The following AKR7A3 variants were observed in gnomAD, a reference collection of about 807,000 sequenced individuals.
AKR7A3 encodes the protein aldo-keto reductase family 7 member A3, also known as AFB1 aldehyde reductase 2.
AKR7A3 carries 37 observed loss-of-function variants against 32.5 expected under a neutral mutation model. That is an observed-to-expected ratio of 1.14 (90% CI 0.88 to 1.50). AKR7A3 has a LOEUF of 1.50. AKR7A3 is among the 40% of genes most tolerant of loss of function. The pLI, the probability that AKR7A3 is intolerant of heterozygous loss-of-function variation, is 0.00. For missense variants in AKR7A3, 412 were observed against 453.2 expected, an observed-to-expected ratio of 0.91 and a Z score of 0.83; for synonymous variants, 177 against 188.4, an observed-to-expected ratio of 0.94 and a Z score of 0.50.
Position 19,282,714 on chromosome 1 carries a change from C to T in AKR7A3, c.*17G>A. On this transcript the variant is annotated 3_prime_UTR_variant, in exon 7 of 7. Coordinates refer to ENST00000361640, the MANE Select transcript of AKR7A3 (RefSeq NM_012067.3). ...GATGTTACAGAAGAGCCTTGGGCAGCCTGAGAAACGATGGGCCTAGCGGAA... is the reference window on the plus strand; with the variant it reads ...GATGTTACAGAAGAGCCTTGGGCAGTCTGAGAAACGATGGGCCTAGCGGAA... 19 of 1,613,798 alleles carry T rather than the reference C, an allele frequency of 1.2e-5. No individual in the cohort carries two copies. The highest frequency in any genetic ancestry group is 1.5e-5 in the Non-Finnish European group (18 of 1,180,044).
chr1:19,284,827 C>T, intron 4 of AKR7A3, 42 bp from the exon 5 acceptor site: 1 of 1,602,174 alleles, frequency 6.2e-7, no homozygotes, highest in South Asian at 1.1e-5. Flanking sequence ...TAGAGTGCCC[C>T]AGAAGCTGCC....
chr1:19,280,965 G>C (rs190214285), downstream of AKR7A3, among the ~76,000 whole-genome samples: 3 of 151,970 alleles, frequency 2.0e-5, no homozygotes, highest in Admixed American at 6.5e-5. Flanking sequence ...CTAAATTCTA[G>C]TCCATTGATT....
Position 19,284,241 on chromosome 1 carries a change from T to C in AKR7A3, c.705-116A>G, listed in dbSNP as rs1227461526. The C allele has an allele frequency of 3.6e-6, 5 of 1,397,118 alleles. No homozygotes were observed. The African/African-American group carries it at 5.9e-5, about 16-fold the overall frequency. 86.5% of individuals were successfully genotyped at this position (1,397,118 alleles called of 1,614,324 possible). On this transcript the variant is annotated intron_variant, in intron 5 of 6. Coordinates refer to ENST00000361640, the MANE Select transcript of AKR7A3 (RefSeq NM_012067.3). The stretch of plus-strand genomic sequence containing the variant: ...CTGCAGCCCTGAGGGGCAGGTGTTC[T>C]CTCTAGCCATGGGTCTCCCACTTTG...
chr1:19,286,997 A>G (rs935480778), intron 1 of AKR7A3, among the ~76,000 whole-genome samples: 5 of 151,898 alleles, frequency 3.3e-5, no homozygotes, highest in African/African-American at 1.2e-4. Context: ...AAGAAAAAAA[A>G]ATCAGAAATA....
rs2093722494 is a variant in AKR7A3 at position 19,283,514 on chromosome 1, C to CTCATCTGA, written c.834+481_834+482insTCAGATGA. ...TGCAATGAAGCTCTCATTACAAAGC[C>CTCATCTGA]TGGCACTCAGATACCATCAAAGACC... On this transcript the variant is annotated intron_variant, in intron 6 of 6. Coordinates refer to ENST00000361640, the MANE Select transcript of AKR7A3 (RefSeq NM_012067.3). Among the ~76,000 whole-genome samples the CTCATCTGA allele has an allele frequency of 2.6e-5, 4 of 152,090 alleles. No individual in the cohort carries two copies. The South Asian group carries it at 8.3e-4, about 32-fold the overall frequency.
At position 19,282,754 on chromosome 1, in the gene AKR7A3, C is replaced by A; in HGVS notation, c.973G>T (p.Glu325Ter). 6.2e-7 allele frequency: 1 copy of A among 1,613,820 alleles called. No individual in the cohort carries two copies. Among genetic ancestry groups the A allele is most frequent in the Non-Finnish European group, 8.5e-7 (1 of 1,180,042 alleles). The change falls in exon 7 of 7, where the codon GAA becomes TAA. Residue 325 changes from glutamate to a stop codon, truncating the protein, a stop_gained. Transcript: ENST00000361640. LOFTEE classifies it high-confidence loss of function. The stretch of plus-strand genomic sequence containing the variant: ...GCCTAGCGGAAGTAGTTGGGACATT[C>A]GTGAGTAACCAAATGCCAGGCTTGA... ...FNQAWHLVTH[E>*]CPNYFR
At chr1:19,275,317 A>G in the AKR7A3 span, among the ~76,000 whole-genome samples, 3 of 151,708 alleles carry the variant, frequency 2.0e-5, no homozygotes, top group South Asian at 6.2e-4. Context: ...AGGCTGAGGC[A>G]GGAGAATCGC....
At chr1:19,284,596 G>T in intron 5 of AKR7A3, 90 bp downstream of exon 5, 2 of 1,364,576 alleles carry the variant, frequency 1.5e-6, no homozygotes, top group Non-Finnish European at 1.0e-6. Flanking sequence ...CAGCAGCGAG[G>T]AAAGGCCTTA....
chr1:19,274,519 C>A, the AKR7A3 span, among the ~76,000 whole-genome samples: 2 of 151,768 alleles, frequency 1.3e-5, no homozygotes, highest in African/African-American at 4.9e-5. Context: ...TAAGGGCTGT[C>A]CTGCCTGCCT....
At chr1:19,287,562 C>T (rs1207011876) in intron 1 of AKR7A3, among the ~76,000 whole-genome samples, 1 of 151,950 alleles carries the variant, frequency 6.6e-6, no homozygotes, top group Non-Finnish European at 1.5e-5. Flanking sequence ...GGCCTAAGCA[C>T]TGCAAATGGC....
Position 19,286,185 on chromosome 1 carries a change from C to T in AKR7A3, c.402G>A (p.Glu134=), listed in dbSNP as rs1443885249. 5 of 1,612,506 alleles carry T rather than the reference C, an allele frequency of 3.1e-6. No homozygotes were observed. The highest frequency in any genetic ancestry group is 2.2e-5 in the East Asian group (1 of 44,886). ...TLRACHQLHQ[E]GKFVELGLSN... ...TCCCAGAGCTCAGGGGTCCCCTCAC[C>T]TCCTGGTGCAGCTGGTGGCAGGCAC... Residue 134 remains glutamate (E), a splice_region_variant and synonymous_variant, in exon 2 of 7, where the codon GAG becomes GAA. Transcript: ENST00000361640.
chr1:19,274,940 G>T, the AKR7A3 span, among the ~76,000 whole-genome samples: 2 of 71,028 alleles, frequency 2.8e-5, no homozygotes, highest in Non-Finnish European at 5.9e-5. Context: ...TGGAACAAAT[G>T]AAAAACCAAT....
the AKR7A3 span, among the ~76,000 whole-genome samples, chr1:19,276,031 T>C: frequency 2.0e-5 from 3 of 151,952 alleles, no homozygotes; most frequent in Non-Finnish European, 2.9e-5. Flanking sequence ...GTAGAACAGT[T>C]GTCAGTCATA....
At chr1:19,281,884 C>G (rs1468606183), downstream of AKR7A3, among the ~76,000 whole-genome samples, 1 of 151,962 alleles carries the variant, frequency 6.6e-6, no homozygotes, top group African/African-American at 2.4e-5. Context: ...TTGCCCCTTT[C>G]TTTTGGCTGA....
chr1:19,284,821 G>T (rs1260842966), intron 4 of AKR7A3, 36 bp from the exon 5 acceptor site: 1 of 1,607,876 alleles, frequency 6.2e-7, no homozygotes, highest in African/African-American at 1.3e-5. Flanking sequence ...GGGGCCTAGA[G>T]TGCCCCAGAA....
intron 6 of AKR7A3, 152 bp downstream of exon 6, chr1:19,283,844 C>A: frequency 3.0e-6 from 4 of 1,324,942 alleles, no homozygotes; most frequent in South Asian, 1.6e-5. Flanking sequence ...AAAAAAAAAA[C>A]ATAGAAAAAG....
chr1:19,282,271 T>G (rs1465980477), downstream of AKR7A3, among the ~76,000 whole-genome samples: 1 of 151,732 alleles, frequency 6.6e-6, no homozygotes, highest in Admixed American at 6.6e-5. Flanking sequence ...TGGTGCCATC[T>G]GTATAGTAAT....
In AKR7A3 at chr1:19,284,526, G is replaced by A. The variant is rs185854442; in HGVS notation, c.704+160C>T. ...TCTCCTTTCCTCCTGGAGGTCCCAAGACAACAAGAAAACCGATGGAGGGTT... is the reference window on the plus strand; with the variant it reads ...TCTCCTTTCCTCCTGGAGGTCCCAAAACAACAAGAAAACCGATGGAGGGTT... On this transcript the variant is annotated intron_variant, in intron 5 of 6. Transcript: ENST00000361640. Among the ~76,000 whole-genome samples the A allele has an allele frequency of 6.1e-3, 924 of 151,898 alleles. 22 individuals carry two copies. Among genetic ancestry groups the A allele is most frequent in the African/African-American group, 0.02 (830 of 41,208 alleles).
rs1362928949 is a variant in AKR7A3 at position 19,284,685 on chromosome 1, C to G, written c.704+1G>C. The G allele has an allele frequency of 6.2e-7, 1 of 1,613,854 alleles. No individual in the cohort carries two copies. Among genetic ancestry groups the G allele is most frequent in the Non-Finnish European group, 8.5e-7 (1 of 1,179,956 alleles). ...ATCCACACCAAGCACCCACAGCTTACCGATTCCTGTACATCTCTGCCCAGG... is the reference window on the plus strand; with the variant it reads ...ATCCACACCAAGCACCCACAGCTTAGCGATTCCTGTACATCTCTGCCCAGG... On this transcript the variant is annotated splice_donor_variant, in intron 5 of 6. Coordinates refer to ENST00000361640, the MANE Select transcript of AKR7A3 (RefSeq NM_012067.3). LOFTEE classifies it high-confidence loss of function.
Sources: gnomAD v4.1 joint callset for allele counts (sites outside exome capture counted in the v4.1 genomes callset) on GRCh38, gnomAD v4.1.1 for gene constraint, MANE v1.5 for transcripts, NCBI Gene and HGNC (gene_info 2026-07-23, HGNC 2026-07-21) for gene names.